POLR3A: variants seen among roughly 807,000 people sequenced by gnomAD.
POLR3A encodes DNA-directed RNA polymerase III subunit RPC1.
A neutral mutation model predicts 152.8 loss-of-function variants in POLR3A; 112 were observed. The observed-to-expected ratio is 0.73, with a 90% CI of 0.63 to 0.86. The LOEUF is 0.86. POLR3A is among the 40% of genes least tolerant of loss of function. POLR3A has a pLI of 0.00. For missense variants in POLR3A, 1,385 were observed against 1,743.1 expected (o/e 0.79, Z 3.66); for synonymous variants, 615 against 652.1 (o/e 0.94, Z 0.87).
At chr10:78,012,784 C>A (rs1233404578) in intron 11 of POLR3A, among the ~76,000 whole-genome samples, 1 of 151,982 alleles carries the variant, frequency 6.6e-6, no homozygotes, top group African/African-American at 2.4e-5. Flanking sequence ...TGCAGTGGTG[C>A]AATCACAGCT....
At chr10:78,017,802 ATATAT>A in intron 9 of POLR3A, 86 bp from the exon 10 acceptor site, 3 of 1,397,098 alleles carry the variant, frequency 2.1e-6, no homozygotes, top group Non-Finnish European at 3.0e-6. Context: ...TCAATCTTTA[ATATAT>A]TATTTCATCA....
At chr10:77,984,533 C>T (rs748401368) in intron 24 of POLR3A, among the ~76,000 whole-genome samples, 18 of 152,116 alleles carry the variant, frequency 1.2e-4, no homozygotes, top group Non-Finnish European at 2.4e-4. Flanking sequence ...TTAGTAGAGA[C>T]GGGGTTTCAC....
intron 15 of POLR3A, 79 bp from the exon 16 acceptor site, chr10:78,004,967 G>T (rs1465134487): frequency 1.1e-5 from 12 of 1,104,092 alleles, no homozygotes; most frequent in Non-Finnish European, 1.5e-5. Flanking sequence ...ATGCCTGCTA[G>T]ATATAGTTTG....
chr10:78,026,876 C>G (rs910636420), intron 1 of POLR3A, among the ~76,000 whole-genome samples: 1 of 152,188 alleles, frequency 6.6e-6, no homozygotes, highest in East Asian at 1.9e-4. Context: ...AAACCCCACA[C>G]ATTGAAAACA....
chr10:78,020,647 G>A (rs563224459), intron 8 of POLR3A, among the ~76,000 whole-genome samples: 7 of 151,948 alleles, frequency 4.6e-5, no homozygotes, highest in African/African-American at 9.7e-5. Context: ...AATTAGCTGC[G>A]CATGGTGATG....
At position 77,980,213 on chromosome 10, in the gene POLR3A, G is replaced by GC. The variant is rs1430601173; in HGVS notation, c.3951dup (p.Leu1318AlafsTer5). ...TCAGCCGTCTTCTCAAAGGAGGCCA[G>GC]CATCAGCACACTCTCCTTCATCTTG... On this transcript the variant is annotated frameshift_variant, in exon 30 of 31. Coordinates refer to ENST00000372371, the MANE Select transcript of POLR3A (RefSeq NM_007055.4). LOFTEE classifies it high-confidence loss of function. 6 of 1,613,356 alleles carry GC rather than the reference G, an allele frequency of 3.7e-6. No individual in the cohort carries two copies. The highest frequency in any genetic ancestry group is 4.2e-6 in the Non-Finnish European group (5 of 1,179,448).
In POLR3A at chr10:77,991,174, T is replaced by A; in HGVS notation, c.2788-7A>T. Reference sequence around the variant, plus strand: ...TGGGACACGGGAAGACTGCCTTGAGTATTAAAAGAAAATTGCATTATGTGT... The same window carrying A: ...TGGGACACGGGAAGACTGCCTTGAGAATTAAAAGAAAATTGCATTATGTGT... On this transcript the variant is annotated splice_polypyrimidine_tract_variant and splice_region_variant and intron_variant, in intron 20 of 30. Transcript: ENST00000372371. 1 of 1,567,388 alleles carries A rather than the reference T, an allele frequency of 6.4e-7. No homozygotes were observed.
At chr10:77,990,415 C>A (rs1434159777) in intron 21 of POLR3A, among the ~76,000 whole-genome samples, 1 of 152,108 alleles carries the variant, frequency 6.6e-6, no homozygotes, top group Non-Finnish European at 1.5e-5. Context: ...AGTTGGCTCA[C>A]AAGATAGAGT....
At chr10:78,007,980 A>T in intron 14 of POLR3A, 114 bp from the exon 15 acceptor site, 1 of 660,996 alleles carries the variant, frequency 1.5e-6, no homozygotes, top group Non-Finnish European at 2.4e-6. Context: ...AAAGCAGAAC[A>T]AACAGAAATT....
chr10:78,008,849 GAAAA>G (rs57285474), intron 14 of POLR3A, among the ~76,000 whole-genome samples: 1 of 119,028 alleles, frequency 8.4e-6, no homozygotes, highest in Non-Finnish European at 1.8e-5. Context: ...GTTTGTCTTT[GAAAA>G]AAAAAAAAAA....
At chr10:78,012,065 T>C (rs547952257) in intron 11 of POLR3A, among the ~76,000 whole-genome samples, 27 of 152,166 alleles carry the variant, frequency 1.8e-4, no homozygotes, top group Non-Finnish European at 2.9e-4. Context: ...ATATGCTCAT[T>C]ATAGAAAATA....
intron 10 of POLR3A, among the ~76,000 whole-genome samples, chr10:78,015,819 A>C (rs1847518229): frequency 6.6e-6 from 1 of 152,108 alleles, no homozygotes; most frequent in Non-Finnish European, 1.5e-5. Context: ...ATTGCCAGTC[A>C]AAAAAACCTA....
At chr10:78,008,818 T>C (rs1485566895) in intron 14 of POLR3A, among the ~76,000 whole-genome samples, 4 of 146,890 alleles carry the variant, frequency 2.7e-5, no homozygotes, top group Non-Finnish European at 6.0e-5. Flanking sequence ...GAGACCAGCC[T>C]GGGCAACGTA....
chr10:77,980,084 G>A (rs1486966315), intron 30 of POLR3A, 57 bp downstream of exon 30: 1 of 1,516,328 alleles, frequency 6.6e-7, no homozygotes, highest in African/African-American at 1.4e-5. Flanking sequence ...GCCTAGCCAT[G>A]GTCTATTTGT....
At chr10:78,021,404 A>G in intron 8 of POLR3A, 142 bp downstream of exon 8, 1 of 761,324 alleles carries the variant, frequency 1.3e-6, no homozygotes, top group Non-Finnish European at 2.3e-6. Context: ...GCAAACTGGG[A>G]AGACACATAC....
At chr10:78,009,781 A>G in intron 13 of POLR3A, 83 bp downstream of exon 13, 1 of 1,609,202 alleles carries the variant, frequency 6.2e-7, no homozygotes, top group South Asian at 1.1e-5. Context: ...GCCTAGCACC[A>G]ACACGGTTCC....
chr10:78,002,878 T>C (rs187802003), intron 16 of POLR3A, among the ~76,000 whole-genome samples: 55 of 152,326 alleles, frequency 3.6e-4, no homozygotes, highest in African/African-American at 1.1e-3. Context: ...AGGTAGAATG[T>C]ATGGCTTTGT....
In POLR3A at chr10:77,983,907, T is replaced by C. The variant is rs1469379; in HGVS notation, c.3429+13A>G. The C allele has an allele frequency of 8.5e-6, 13 of 1,537,076 alleles. No individual in the cohort carries two copies. The African/African-American group carries it at 1.4e-4, about 16-fold the overall frequency. The stretch of plus-strand genomic sequence containing the variant: ...AGGATGACTTCCTCTCTACATTTAA[T>C]TATGTGACTCACTTCCAGTCTCAGA... On this transcript the variant is annotated intron_variant, in intron 26 of 30. Coordinates refer to ENST00000372371, the MANE Select transcript of POLR3A (RefSeq NM_007055.4).
chr10:77,984,401 T>C, intron 24 of POLR3A, 103 bp from the exon 25 acceptor site: 2 of 760,808 alleles, frequency 2.6e-6, no homozygotes, highest in South Asian at 2.8e-5. Flanking sequence ...ATAATGTTAC[T>C]AGCAACCCCA....
Sources: allele counts gnomAD v4.1 joint callset (sites outside exome capture counted in the v4.1 genomes callset), GRCh38; gene constraint gnomAD v4.1.1; transcripts MANE v1.5; gene names NCBI Gene and HGNC (gene_info 2026-07-23, HGNC 2026-07-21).